GABRB1: variants seen among roughly 807,000 people sequenced by gnomAD.
GABRB1 encodes the protein gamma-aminobutyric acid type A receptor subunit beta1, also known as gamma-aminobutyric acid receptor subunit beta-1.
GABRB1 carries 17 observed loss-of-function variants against 51.6 expected under a neutral mutation model. That is an observed-to-expected ratio of 0.33 (90% CI 0.23 to 0.49). GABRB1 has a LOEUF of 0.49. Among genes scored for constraint, GABRB1 ranks in the 20% least tolerant of loss-of-function variants. GABRB1 has a pLI of 0.99. For missense variants in GABRB1, 410 were observed against 600.6 expected (o/e 0.68, Z 3.32); for synonymous variants, 247 against 218.9 (o/e 1.13, Z -1.14).
At chr4:47,107,669 T>C (rs1263422042) in intron 3 of GABRB1, among the ~76,000 whole-genome samples, 1 of 152,100 alleles carries the variant, frequency 6.6e-6, no homozygotes, top group Non-Finnish European at 1.5e-5. Context: ...TGAACGTATG[T>C]TAAGCCCTTA....
At chr4:47,085,571 G>A (rs1261742487) in intron 3 of GABRB1, among the ~76,000 whole-genome samples, 1 of 151,654 alleles carries the variant, frequency 6.6e-6, no homozygotes, top group Non-Finnish European at 1.5e-5. Flanking sequence ...AGAACAGCAA[G>A]TTCTAAAAAA....
chr4:47,393,061 G>A (rs565830641), intron 5 of GABRB1, among the ~76,000 whole-genome samples: 31 of 152,214 alleles, frequency 2.0e-4, no homozygotes, highest in Non-Finnish European at 4.0e-4. Flanking sequence ...TGAAGCATCC[G>A]TTTTGCTGGT....
intron 4 of GABRB1, among the ~76,000 whole-genome samples, chr4:47,288,243 C>CTATTATTATTAT (rs34976412): frequency 6.4e-4 from 95 of 148,216 alleles, no homozygotes; most frequent in South Asian, 2.0e-3. Context: ...GGGCTTATTA[C>CTATTATTATTAT]TATTATTATT....
intron 5 of GABRB1, among the ~76,000 whole-genome samples, chr4:47,396,836 T>A (rs1225505411): frequency 2.6e-5 from 4 of 152,216 alleles, no homozygotes; most frequent in South Asian, 2.1e-4. Flanking sequence ...AAATATGTTA[T>A]CACTTTGTGG....
chr4:47,058,206 A>G (rs1217873797), intron 3 of GABRB1, among the ~76,000 whole-genome samples: 2 of 152,190 alleles, frequency 1.3e-5, no homozygotes, highest in African/African-American at 4.8e-5. Flanking sequence ...CAAAGCATTC[A>G]TTTCTGTGCA....
intron 4 of GABRB1, among the ~76,000 whole-genome samples, chr4:47,217,402 C>G (rs1560589691): frequency 1.3e-5 from 2 of 151,776 alleles, no homozygotes; most frequent in Admixed American, 6.6e-5. Flanking sequence ...ACCCTGTACT[C>G]TATTTATACC....
At position 47,031,720 on chromosome 4, in the gene GABRB1, T is replaced by C. The variant is rs780373390; in HGVS notation, c.69T>C (p.Cys23=). Reference sequence around the variant, plus strand: ...TCCCTGTGATGATTACCATGGTCTGTTGTGCACACAGGTGAGCTGCTGTTG... The same window carrying C: ...TCCCTGTGATGATTACCATGGTCTGCTGTGCACACAGGTGAGCTGCTGTTG... ...LSFPVMITMV[C]CAHSTNEPSN... is the part of the protein sequence containing the mutation. Residue 23 remains cysteine, a synonymous_variant, in exon 1 of 9, where the codon TGT becomes TGC. Transcript: ENST00000295454. 4 of 1,613,738 alleles carry C rather than the reference T, an allele frequency of 2.5e-6. No homozygotes were observed. Among genetic ancestry groups the C allele is most frequent in the East Asian group, 4.5e-5 (2 of 44,860 alleles).
At chr4:47,195,792 G>T (rs990321624) in intron 4 of GABRB1, among the ~76,000 whole-genome samples, 1 of 152,178 alleles carries the variant, frequency 6.6e-6, no homozygotes, top group African/African-American at 2.4e-5. Context: ...ATTATTCCAT[G>T]TAATTCTCTT....
intron 5 of GABRB1, among the ~76,000 whole-genome samples, chr4:47,355,384 G>A (rs1457208187): frequency 2.6e-5 from 4 of 151,970 alleles, no homozygotes; most frequent in Admixed American, 1.3e-4. Flanking sequence ...CTAGATGTCC[G>A]TGAATTCATT....
Position 47,425,901 on chromosome 4 carries a change from C to T in GABRB1, c.1308C>T (p.Leu436=). Residue 436 remains leucine, a synonymous_variant, in exon 9 of 9, where the codon CTC becomes CTT. Transcript: ENST00000295454. ...GCATCCGCAGGCGTGCCTCCCAGCT[C>T]AAAGTCAAGATCCCCGACTTGACTG... ...KGRIRRRASQ[L]KVKIPDLTDV... The T allele has an allele frequency of 6.2e-7, 1 of 1,614,122 alleles. No individual in the cohort carries two copies. The highest frequency in any genetic ancestry group is 1.1e-5 in the South Asian group (1 of 91,074).
intron 5 of GABRB1, among the ~76,000 whole-genome samples, chr4:47,371,191 G>T (rs183806917): frequency 8.9e-4 from 133 of 149,392 alleles, no homozygotes; most frequent in African/African-American, 3.1e-3. Context: ...TGTGGTGTTT[G>T]GTTTTCTGTT....
chr4:47,390,836 A>G (rs1396907723), intron 5 of GABRB1, among the ~76,000 whole-genome samples: 1 of 152,146 alleles, frequency 6.6e-6, no homozygotes, highest in Non-Finnish European at 1.5e-5. Context: ...TTTCCTTTGG[A>G]TCTAACTGCC....
intron 5 of GABRB1, among the ~76,000 whole-genome samples, chr4:47,332,926 G>A (rs1213747246): frequency 6.6e-6 from 1 of 151,574 alleles, no homozygotes; most frequent in Non-Finnish European, 1.5e-5. Flanking sequence ...TCTGGCAGAA[G>A]GCTCCATTTT....
intron 4 of GABRB1, among the ~76,000 whole-genome samples, chr4:47,206,179 T>C (rs1189925616): frequency 6.6e-6 from 1 of 152,014 alleles, no homozygotes; most frequent in Admixed American, 6.6e-5. Flanking sequence ...AAAACATAGT[T>C]ATGAAAGAAT....
chr4:47,394,476 G>T (rs375510311), intron 5 of GABRB1, among the ~76,000 whole-genome samples: 2 of 71,874 alleles, frequency 2.8e-5, no homozygotes, highest in African/African-American at 5.3e-5. Flanking sequence ...TGTGAGGCAC[G>T]AGAACCTGAC....
intron 3 of GABRB1, among the ~76,000 whole-genome samples, chr4:47,127,441 C>T (rs557676916): frequency 6.6e-6 from 1 of 151,738 alleles, no homozygotes; most frequent in African/African-American, 2.4e-5. Flanking sequence ...ATTTCTATAA[C>T]AAACAATGCC....
At chr4:47,078,066 C>T (rs1363193214) in intron 3 of GABRB1, among the ~76,000 whole-genome samples, 7 of 146,520 alleles carry the variant, frequency 4.8e-5, no homozygotes, top group Non-Finnish European at 7.4e-5. Flanking sequence ...CTTGGCTCAC[C>T]GCAACCTCTA....
At chr4:47,186,958 A>C (rs923372739) in intron 4 of GABRB1, among the ~76,000 whole-genome samples, 1 of 151,958 alleles carries the variant, frequency 6.6e-6, no homozygotes, top group Non-Finnish European at 1.5e-5. Flanking sequence ...AATCCCTATG[A>C]GGTAAACTAG....
chr4:47,115,161 C>A (rs1715409313), intron 3 of GABRB1, among the ~76,000 whole-genome samples: 1 of 152,158 alleles, frequency 6.6e-6, no homozygotes, highest in African/African-American at 2.4e-5. Context: ...AATTGAGGAA[C>A]AAATTTCTAA....
Sources: allele counts gnomAD v4.1 joint callset (sites outside exome capture counted in the v4.1 genomes callset), GRCh38; gene constraint gnomAD v4.1.1; transcripts MANE v1.5; gene names NCBI Gene and HGNC (gene_info 2026-07-23, HGNC 2026-07-21).